The following ETV7 variants were observed in gnomAD, a reference collection of about 807,000 sequenced individuals.
ETV7 encodes the protein transcription factor ETV7.
A neutral mutation model predicts 39.1 loss-of-function variants in ETV7; 43 were observed. The ratio of observed to expected loss-of-function variants is 1.10; its 90% CI spans 0.86 to 1.42. ETV7 has a LOEUF of 1.42. Among genes scored for constraint, ETV7 ranks in the 40% most tolerant of loss-of-function variants. ETV7 has a pLI of 0.00. For missense variants in ETV7, 432 were observed against 442.3 expected (o/e 0.98, Z 0.21); for synonymous variants, 196 against 176.6 (o/e 1.11, Z -0.87).
chr6:36,381,146 C>T (rs928103851), intron 2 of ETV7, among the ~76,000 whole-genome samples: 1 of 152,168 alleles, frequency 6.6e-6, no homozygotes, highest in Non-Finnish European at 1.5e-5. Context: ...TGGCTTCTCC[C>T]TACCTTGCAG....
chr6:36,377,904 A>G (rs1215423806), intron 2 of ETV7, among the ~76,000 whole-genome samples: 1 of 152,192 alleles, frequency 6.6e-6, no homozygotes, highest in African/African-American at 2.4e-5. Context: ...AAGAGTGAGG[A>G]AAGGTTTCCT....
intron 3 of ETV7, 52 bp downstream of exon 3, chr6:36,375,819 T>C (rs1490009178): frequency 1.2e-6 from 2 of 1,611,884 alleles, no homozygotes; most frequent in Non-Finnish European, 1.7e-6. Flanking sequence ...ACTTGGGCCA[T>C]CCTGGCCTAC....
At chr6:36,355,559 G>A (rs1258551019) in intron 7 of ETV7, among the ~76,000 whole-genome samples, 1 of 152,188 alleles carries the variant, frequency 6.6e-6, no homozygotes, top group Non-Finnish European at 1.5e-5. Context: ...TTACAGGCAT[G>A]CGCCATTGCG....
intron 7 of ETV7, among the ~76,000 whole-genome samples, chr6:36,358,197 G>C (rs780908479): frequency 8.5e-5 from 13 of 152,234 alleles, no homozygotes; most frequent in Non-Finnish European, 1.6e-4. Context: ...AGGGAAGCTG[G>C]ACTTTGATCT....
At chr6:36,363,474 A>C (rs13196008), downstream of ETV7, among the ~76,000 whole-genome samples, 1 of 91,968 alleles carries the variant, frequency 1.1e-5, no homozygotes, top group Admixed American at 1.1e-4. Context: ...GGAGTCATTC[A>C]TTCCTCCCGG....
intron 2 of ETV7, among the ~76,000 whole-genome samples, chr6:36,376,941 G>A (rs73729968): frequency 6.6e-6 from 1 of 152,132 alleles, no homozygotes; most frequent in African/African-American, 2.4e-5. Flanking sequence ...CTTGGAATCA[G>A]GTTTGCTCAG....
rs1379019454 is a variant in ETV7, at chr6:36,373,550, G to A, written c.336C>T (p.Tyr112=). 3.0e-6 allele frequency: 4 copies of A among 1,325,668 alleles called. No homozygotes were observed. The highest frequency in any genetic ancestry group is 1.3e-5 in the South Asian group (1 of 78,580). 82.1% of individuals were successfully genotyped at this position (1,325,668 alleles called of 1,614,324 possible). Residue 112 remains tyrosine, a synonymous_variant, in exon 4 of 8, where the codon TAC becomes TAT. Coordinates refer to ENST00000340181, the MANE Select transcript of ETV7 (RefSeq NM_016135.4). ...CCAGGGCTCGCCGCTGGGTCTTGATGTACTGGAGCAGCTCATACAGGACGT... is the reference window on the plus strand; with the variant it reads ...CCAGGGCTCGCCGCTGGGTCTTGATATACTGGAGCAGCTCATACAGGACGT... ...SGDVLYELLQ[Y]IKTQRRALVC...
At chr6:36,375,582 G>A (rs537920914) in intron 3 of ETV7, among the ~76,000 whole-genome samples, 16 of 152,216 alleles carry the variant, frequency 1.1e-4, no homozygotes, top group Non-Finnish European at 2.4e-4. Flanking sequence ...GGATGGAAGT[G>A]GATAGAGGAG....
chr6:36,366,764 T>C lies in ETV7; in HGVS notation c.909-2A>G. 1.2e-6 allele frequency: 2 copies of C among 1,613,990 alleles called. No homozygotes were observed. On this transcript the variant is annotated splice_acceptor_variant, in intron 7 of 7. Transcript: ENST00000340181. LOFTEE classifies it high-confidence loss of function. ...ATCTTTCCCGGAGTCTTTAGAAATC[T>C]AGAATTCAGGCCCCAACTGCAAATC...
chr6:36,354,508 C>A, exon 8 of ETV7: 1 of 532,498 alleles, frequency 1.9e-6, no homozygotes, highest in Non-Finnish European at 3.3e-6. Context: ...GTTGAAAAAA[C>A]TGTTCTTAAT....
intron 5 of ETV7, among the ~76,000 whole-genome samples, chr6:36,370,336 A>G (rs546380620): frequency 6.6e-6 from 1 of 152,194 alleles, no homozygotes; most frequent in African/African-American, 2.4e-5. Flanking sequence ...GGAGTTCAAG[A>G]CCAGCCTGTG....
chr6:36,368,203 G>C (rs1029759710), intron 6 of ETV7, among the ~76,000 whole-genome samples: 2 of 152,202 alleles, frequency 1.3e-5, no homozygotes, highest in Non-Finnish European at 2.9e-5. Context: ...CCTACTTCAC[G>C]AGCTTGGTAT....
chr6:36,356,021 A>T (rs1772326463), intron 7 of ETV7, among the ~76,000 whole-genome samples: 1 of 152,254 alleles, frequency 6.6e-6, no homozygotes, highest in African/African-American at 2.4e-5. Context: ...CTCCTTAAGA[A>T]ATAGACCTTT....
intron 7 of ETV7, among the ~76,000 whole-genome samples, chr6:36,356,335 AAAAAC>A (rs1772340477): frequency 6.6e-6 from 1 of 150,986 alleles, no homozygotes; most frequent in Non-Finnish European, 1.5e-5. Flanking sequence ...AAAAAAAAAA[AAAAAC>A]AAAAAAAAAC....
At chr6:36,354,694 TA>T (rs563469381) in intron 7 of ETV7, 48,149 of 460,342 alleles carry the variant, frequency 0.1, 6 homozygotes, top group South Asian at 0.15. Flanking sequence ...ATTTCTGCAA[TA>T]AAAAAAAAAA....
chr6:36,362,196 G>A (rs1408786765), downstream of ETV7, among the ~76,000 whole-genome samples: 2 of 152,298 alleles, frequency 1.3e-5, no homozygotes, highest in African/African-American at 4.8e-5. Flanking sequence ...TACTTGGGGA[G>A]GGGGCTGAGG....
At chr6:36,358,472 A>G (rs1025742691) in intron 7 of ETV7, among the ~76,000 whole-genome samples, 2 of 152,206 alleles carry the variant, frequency 1.3e-5, no homozygotes, top group African/African-American at 4.8e-5. Context: ...AAATCACTTT[A>G]GAGTTTGCAG....
chr6:36,368,827 C>T, intron 6 of ETV7, 102 bp downstream of exon 6: 1 of 1,453,648 alleles, frequency 6.9e-7, no homozygotes, highest in Middle Eastern at 1.9e-4. Flanking sequence ...TGATGAAGGC[C>T]CCATCAGCTG....
At chr6:36,358,732 A>G (rs374933750) in intron 7 of ETV7, among the ~76,000 whole-genome samples, 2 of 152,314 alleles carry the variant, frequency 1.3e-5, no homozygotes, top group African/African-American at 4.8e-5. Context: ...AGAATCTGAT[A>G]TGTACTCCCC....
Sources: gnomAD v4.1 joint callset for allele counts (sites outside exome capture counted in the v4.1 genomes callset) on GRCh38, gnomAD v4.1.1 for gene constraint, MANE v1.5 for transcripts, NCBI Gene and HGNC (gene_info 2026-07-23, HGNC 2026-07-21) for gene names.